GRIPAP1: variants seen among roughly 807,000 people sequenced by gnomAD.
The protein encoded by GRIPAP1 is GRIP1-associated protein 1.
A neutral mutation model predicts 84.1 loss-of-function variants in GRIPAP1; 14 were observed. The observed-to-expected ratio is 0.17, with a 90% CI of 0.11 to 0.26. GRIPAP1 has a LOEUF of 0.26. Among genes scored for constraint, GRIPAP1 ranks in the 10% least tolerant of loss-of-function variants. GRIPAP1 has a pLI of 1.00. For synonymous variants in GRIPAP1, 261 were observed against 256.8 expected (o/e 1.02, Z -0.15); for missense variants, 518 against 674.2 (o/e 0.77, Z 2.57).
chrX:49,000,678 GAA>G (rs1300171898), intron 1 of GRIPAP1: 1 of 110,614 alleles, frequency 9.0e-6, no homozygotes. Context: ...GGGTGACAGA[GAA>G]AGACTCTGTC....
intron 5 of GRIPAP1, 67 bp from the exon 6 acceptor site, chrX:48,993,645 G>A: frequency 3.5e-6 from 3 of 847,206 alleles, no homozygotes; most frequent in Non-Finnish European, 3.1e-6. Context: ...AACCTACATA[G>A]CATTTGTCCA....
At chrX:48,984,714 C>CAAAAA in intron 14 of GRIPAP1, among the ~76,000 whole-genome samples, 1 of 15,861 alleles carries the variant, frequency 6.3e-5, no homozygotes, top group Admixed American at 1.1e-3. Context: ...GACTCCATCT[C>CAAAAA]AAAAAAAAAA....
chrX:48,986,377 G>C (rs1366357552), intron 13 of GRIPAP1, among the ~76,000 whole-genome samples: 2 of 110,527 alleles, frequency 1.8e-5, no homozygotes, highest in African/African-American at 6.6e-5. Flanking sequence ...GTGAGACCCT[G>C]TCTCTACAAA....
chrX:48,986,128 C>T (rs921091036), intron 13 of GRIPAP1, among the ~76,000 whole-genome samples: 2 of 106,661 alleles, frequency 1.9e-5, no homozygotes, highest in Admixed American at 1.0e-4. Flanking sequence ...GTAGTCCCAG[C>T]TATTTGGGAG....
At chrX:48,986,816 C>T (rs2064490644) in intron 13 of GRIPAP1, among the ~76,000 whole-genome samples, 1 of 111,721 alleles carries the variant, frequency 9.0e-6, no homozygotes, top group Admixed American at 9.5e-5. Flanking sequence ...CAGGTGTGAG[C>T]CATCATGCCC....
chrX:48,981,652 C>T lies in GRIPAP1; in HGVS notation c.1717G>A (p.Glu573Lys), dbSNP rs782294840. The T allele has an allele frequency of 1.2e-5, 14 of 1,208,206 alleles. No homozygotes were observed. In the Admixed American group the frequency reaches 1.3e-4, roughly 11 times the overall value. The change falls in exon 19 of 26, where the codon GAG (glutamate) becomes AAG (lysine). Residue 573 changes from glutamate to lysine, a missense_variant. Transcript: ENST00000376423. ...CAGTCCCGCTCCTCCTGGGCCTGCT[C>T]GAGCTGATCCCGTACATCCTGTAGC... ...EELQDVRDQLEQAQEERDCHL... is the reference protein window; with the variant it reads ...EELQDVRDQLKQAQEERDCHL...
Position 48,995,900 on chromosome X carries a change from A to G in GRIPAP1, c.306+1350T>C, listed in dbSNP as rs139223234. 8.1e-3 allele frequency among the ~76,000 whole-genome samples: 905 copies of G among 111,688 alleles called. 3 individuals carry two copies. Among genetic ancestry groups the G allele is most frequent in the Middle Eastern group, 0.023 (5 of 215 alleles). ...CTGAGCCACCACGCCCGGCCATAAAACTTTTAAAAAGTCAAATATTTTAGA... is the reference window on the plus strand; with the variant it reads ...CTGAGCCACCACGCCCGGCCATAAAGCTTTTAAAAAGTCAAATATTTTAGA... On this transcript the variant is annotated intron_variant, in intron 5 of 25. Transcript: ENST00000376423.
chrX:48,985,635 C>G (rs1341734369), intron 13 of GRIPAP1, among the ~76,000 whole-genome samples: 2 of 112,291 alleles, frequency 1.8e-5, no homozygotes, highest in Non-Finnish European at 1.9e-5. Context: ...CGTGGATAAA[C>G]TTACATAGTG....
rs2064455462 is a variant in GRIPAP1 at position 48,981,325 on chromosome X, CAG to C, written c.1831-13_1831-12del. The C allele has an allele frequency of 1.7e-6, 2 of 1,203,951 alleles. No individual in the cohort carries two copies. The highest frequency in any genetic ancestry group is 1.8e-5 in the South Asian group (1 of 56,005). ...CTTGAGGTCCTTGAGCTGTGGGGGA[CAG>C]GGGTAACATGAGGACTGAGGCCCAG... On this transcript the variant is annotated splice_polypyrimidine_tract_variant and intron_variant, in intron 20 of 25. Transcript: ENST00000376423.
chrX:48,990,621 G>A, intron 8 of GRIPAP1, 64 bp downstream of exon 8: 1 of 956,678 alleles, frequency 1.0e-6, no homozygotes, highest in South Asian at 2.1e-5. Flanking sequence ...CCTAGGATTG[G>A]GAATGGAATG....
chrX:48,995,912 T>C (rs1485469274), intron 5 of GRIPAP1, among the ~76,000 whole-genome samples: 2 of 111,787 alleles, frequency 1.8e-5, no homozygotes, highest in African/African-American at 6.5e-5. Context: ...TTTTAAAAAG[T>C]CAAATATTTT....
intron 5 of GRIPAP1, among the ~76,000 whole-genome samples, chrX:48,994,892 G>C (rs1237667593): frequency 9.0e-6 from 1 of 111,700 alleles, no homozygotes; most frequent in African/African-American, 3.3e-5. Flanking sequence ...GAATAATGTA[G>C]AGTACTTCAA....
intron 13 of GRIPAP1, among the ~76,000 whole-genome samples, chrX:48,986,243 C>A (rs1459101255): frequency 4.4e-3 from 357 of 81,574 alleles, no homozygotes; most frequent in Admixed American, 5.0e-3. Context: ...ACTCCGTCTA[C>A]AAAAAAAAAA....
intron 21 of GRIPAP1, among the ~76,000 whole-genome samples, chrX:48,979,855 C>T (rs980969637): frequency 7.2e-4 from 80 of 110,863 alleles, no homozygotes; most frequent in Non-Finnish European, 1.3e-3. Context: ...CTCAGGTGAT[C>T]CACCCACCTT....
intron 4 of GRIPAP1, 24 bp downstream of exon 4, chrX:48,998,130 C>T (rs1309779789): frequency 7.8e-6 from 9 of 1,153,456 alleles, no homozygotes; most frequent in Non-Finnish European, 1.1e-5. Context: ...CCCAGTCACA[C>T]TCACCCACAA....
chrX:48,974,094 A>G lies in GRIPAP1; in HGVS notation c.*99T>C, dbSNP rs1455630821. On this transcript the variant is annotated 3_prime_UTR_variant, in exon 26 of 26. Transcript: ENST00000376423. ...CCTTTAATGTCCAGTCTCCCAAGCT[A>G]TTTGATTTTGGCTCCAGCCCTCATT... 3 of 519,379 alleles carry G rather than the reference A, an allele frequency of 5.8e-6. No individual in the cohort carries two copies. In the African/African-American group the frequency reaches 7.1e-5, roughly 12 times the overall value. 42.8% of individuals were successfully genotyped at this position (519,379 alleles called of 1,213,427 possible).
intron 7 of GRIPAP1, 75 bp downstream of exon 7, chrX:48,990,851 T>G: frequency 9.8e-7 from 1 of 1,019,374 alleles, no homozygotes; most frequent in Non-Finnish European, 1.4e-6. Flanking sequence ...CACAGCCATC[T>G]CCGTGGGACT....
intron 6 of GRIPAP1, among the ~76,000 whole-genome samples, chrX:48,991,794 C>T (rs1179408790): frequency 2.7e-5 from 3 of 109,627 alleles, no homozygotes; most frequent in Admixed American, 1.9e-4. Flanking sequence ...GAGCCGCGAT[C>T]GAGCCATTGC....
rs782294026 is a variant in GRIPAP1 at position 48,981,786 on chromosome X, G to A, written c.1677+9C>T. 4.2e-6 allele frequency: 5 copies of A among 1,177,245 alleles called. No individual in the cohort carries two copies. In the South Asian group the frequency reaches 5.5e-5, roughly 13 times the overall value. ...TCTGGAGAGAGGAACACCATCATGC[G>A]AGAGGCACCTTCAGCTCGGCAGCGT... On this transcript the variant is annotated intron_variant, in intron 18 of 25. Coordinates refer to ENST00000376423, the MANE Select transcript of GRIPAP1 (RefSeq NM_020137.5).
Sources: gnomAD v4.1 joint callset for allele counts (sites outside exome capture counted in the v4.1 genomes callset) on GRCh38, gnomAD v4.1.1 for gene constraint, MANE v1.5 for transcripts, NCBI Gene and HGNC (gene_info 2026-07-23, HGNC 2026-07-21) for gene names.